Variants in PTPRD observed in about 807,000 individuals in gnomAD.
PTPRD encodes protein tyrosine phosphatase receptor type D.
In PTPRD, 34 loss-of-function variants were observed where a neutral mutation model predicts 214.5. That is an observed-to-expected ratio of 0.16 (90% CI 0.12 to 0.21). PTPRD has a LOEUF of 0.21. Ranked by LOEUF, PTPRD falls within the 10% of genes least tolerant of loss-of-function variation. The probability of loss-of-function intolerance (pLI) is 1.00; values close to 1 mark genes in which losing one functional copy is unlikely to be tolerated. For missense variants in PTPRD, 2,545 were observed against 2,398.7 expected (o/e 1.06, Z -1.27); for synonymous variants, 1,128 against 845.7 (o/e 1.33, Z -5.79).
At chr9:9,947,308 T>TATATATTATATATGTATTATATATAAA (rs1566614085) in intron 4 of PTPRD, among the ~76,000 whole-genome samples, 1,244 of 71,800 alleles carry the variant, frequency 0.017, 101 homozygotes, top group East Asian at 0.064. Context: ...ATATATTTTA[T>TATATATTATATATGTATTATATATAAA]ATATATATTA....
At chr9:10,564,445 G>GA (rs570678959) in intron 2 of PTPRD, among the ~76,000 whole-genome samples, 20,721 of 139,634 alleles carry the variant, frequency 0.15, 1,665 homozygotes, top group Non-Finnish European at 0.21. Context: ...TTGATTAAAA[G>GA]AAAAAAAAAA....
intron 10 of PTPRD, among the ~76,000 whole-genome samples, chr9:9,141,927 T>C (rs1260809179): frequency 6.6e-6 from 1 of 152,196 alleles, no homozygotes; most frequent in Non-Finnish European, 1.5e-5. Flanking sequence ...GGCTTTCTCA[T>C]GTCCCCTTTC....
At chr9:9,783,951 A>T (rs1009671536) in intron 5 of PTPRD, among the ~76,000 whole-genome samples, 1 of 152,074 alleles carries the variant, frequency 6.6e-6, no homozygotes, top group Non-Finnish European at 1.5e-5. Flanking sequence ...GTTAGCTGCA[A>T]ATCCATTAGT....
intron 7 of PTPRD, among the ~76,000 whole-genome samples, chr9:9,729,388 T>G (rs563242369): frequency 1.2e-4 from 18 of 152,216 alleles, no homozygotes; most frequent in Admixed American, 3.3e-4. Context: ...TTATCTCCTC[T>G]GCACAGAAGT....
chr9:8,974,935 A>G (rs1051379904), intron 11 of PTPRD, among the ~76,000 whole-genome samples: 15 of 151,714 alleles, frequency 9.9e-5, no homozygotes, highest in Non-Finnish European at 1.6e-4. Context: ...CGTCTGTACT[A>G]AAAATATAAA....
chr9:8,454,093 G>A (rs1266870702), intron 33 of PTPRD, among the ~76,000 whole-genome samples: 1 of 152,150 alleles, frequency 6.6e-6, no homozygotes, highest in Non-Finnish European at 1.5e-5. Flanking sequence ...AAGACTGGGA[G>A]ACATGGATAA....
chr9:8,483,694 T>C (rs572191371), intron 30 of PTPRD, among the ~76,000 whole-genome samples: 1 of 152,238 alleles, frequency 6.6e-6, no homozygotes, highest in African/African-American at 2.4e-5. Context: ...CAAGGGAATC[T>C]CTTGAACCCG....
At chr9:8,618,099 T>C (rs568635334) in intron 14 of PTPRD, among the ~76,000 whole-genome samples, 1 of 152,216 alleles carries the variant, frequency 6.6e-6, no homozygotes, top group African/African-American at 2.4e-5. Flanking sequence ...TCCGCAGTCT[T>C]AATTTGCAGA....
intron 5 of PTPRD, among the ~76,000 whole-genome samples, chr9:9,900,641 G>GTTTTTTTTTTGTTTT (rs1555302234): frequency 8.3e-6 from 1 of 120,086 alleles, no homozygotes; most frequent in African/African-American, 3.1e-5. Context: ...ACATTTTCAG[G>GTTTTTTTTTTGTTTT]TTTTTTTTTT....
intron 12 of PTPRD, among the ~76,000 whole-genome samples, chr9:8,651,813 C>T (rs771434876): frequency 3.9e-5 from 6 of 152,096 alleles, no homozygotes; most frequent in Non-Finnish European, 8.8e-5. Flanking sequence ...CATGAATATG[C>T]ATTTCACCTC....
chr9:8,361,998 T>C (rs1270484544), intron 39 of PTPRD, among the ~76,000 whole-genome samples: 1 of 152,210 alleles, frequency 6.6e-6, no homozygotes, highest in Non-Finnish European at 1.5e-5. Context: ...CAGAAAACCA[T>C]GTGACTTGAT....
At chr9:8,810,270 G>A (rs1338332767) in intron 11 of PTPRD, among the ~76,000 whole-genome samples, 1 of 152,166 alleles carries the variant, frequency 6.6e-6, no homozygotes, top group Non-Finnish European at 1.5e-5. Flanking sequence ...AAATCCTGTG[G>A]CGATATAAAC....
chr9:9,964,834 T>C (rs1279692164), intron 4 of PTPRD, among the ~76,000 whole-genome samples: 2 of 152,174 alleles, frequency 1.3e-5, no homozygotes, highest in Admixed American at 6.5e-5. Flanking sequence ...GGAATTTGTA[T>C]GCTTTCTGTT....
rs76390101 is a variant in PTPRD, at chr9:10,145,812, T to C, written c.-544-112022A>G. On this transcript the variant is annotated intron_variant, in intron 3 of 45. Coordinates refer to ENST00000381196, the MANE Select transcript of PTPRD (RefSeq NM_002839.4). Reference sequence around the variant, plus strand: ...ATGATATGATATGCTTTACTTTACATAAAATATGATGGTAGAAAATCTGGA... The same window carrying C: ...ATGATATGATATGCTTTACTTTACACAAAATATGATGGTAGAAAATCTGGA... Among the ~76,000 whole-genome samples, 63 of 152,208 alleles carry C rather than the reference T, an allele frequency of 4.1e-4. No individual in the cohort carries two copies. In the East Asian group the frequency reaches 0.011, roughly 28 times the overall value.
intron 7 of PTPRD, among the ~76,000 whole-genome samples, chr9:9,668,415 C>T (rs185569915): frequency 6.6e-6 from 1 of 152,196 alleles, no homozygotes; most frequent in Admixed American, 6.5e-5. Flanking sequence ...GATTTGGTTA[C>T]CCTGAGACAT....
intron 4 of PTPRD, among the ~76,000 whole-genome samples, chr9:10,015,882 G>C (rs1588964085): frequency 6.6e-6 from 1 of 152,148 alleles, no homozygotes; most frequent in Non-Finnish European, 1.5e-5. Flanking sequence ...GGATCACATT[G>C]AGAAGTACTG....
chr9:8,516,798 C>CTTTTTTT (rs71500960), intron 21 of PTPRD, among the ~76,000 whole-genome samples: 6 of 107,938 alleles, frequency 5.6e-5, no homozygotes, highest in Non-Finnish European at 9.0e-5. Context: ...CAAGAATAAA[C>CTTTTTTT]TTTTTTTTTT....
chr9:10,195,474 A>G (rs577283319), intron 3 of PTPRD, among the ~76,000 whole-genome samples: 9 of 152,244 alleles, frequency 5.9e-5, no homozygotes, highest in African/African-American at 2.2e-4. Flanking sequence ...TGTGAGAAAT[A>G]TCATGTACCA....
At chr9:10,044,824 A>G (rs13289879) in intron 3 of PTPRD, among the ~76,000 whole-genome samples, 9,383 of 151,746 alleles carry the variant, frequency 0.062, 371 homozygotes, top group Non-Finnish European at 0.089. Flanking sequence ...CTTCATTGGA[A>G]TAGACAAGAC....
Sources: gnomAD v4.1 joint callset for allele counts (sites outside exome capture counted in the v4.1 genomes callset) on GRCh38, gnomAD v4.1.1 for gene constraint, MANE v1.5 for transcripts, NCBI Gene and HGNC (gene_info 2026-07-23, HGNC 2026-07-21) for gene names.